Variants in DOCK10 observed in about 807,000 individuals in gnomAD.
DOCK10 encodes dedicator of cytokinesis protein 10.
In DOCK10, 145 loss-of-function variants were observed where a neutral mutation model predicts 280.1. That is an observed-to-expected ratio of 0.52 (90% CI 0.45 to 0.59). The LOEUF is 0.59. Among genes scored for constraint, DOCK10 ranks in the 20% least tolerant of loss-of-function variants. The pLI is 0.00. For missense variants in DOCK10, 2,368 were observed against 2,651.7 expected, an observed-to-expected ratio of 0.89 and a Z score of 2.35; for synonymous variants, 915 against 942.2, an observed-to-expected ratio of 0.97 and a Z score of 0.53.
At chr2:224,944,489 T>G (rs1703281307) in intron 1 of DOCK10, among the ~76,000 whole-genome samples, 1 of 152,222 alleles carries the variant, frequency 6.6e-6, no homozygotes, top group African/African-American at 2.4e-5. Context: ...CTGTTCAGAA[T>G]GCACAGTACC....
intron 1 of DOCK10, among the ~76,000 whole-genome samples, chr2:224,972,762 A>C (rs546591686): frequency 6.6e-6 from 1 of 152,336 alleles, no homozygotes; most frequent in Admixed American, 6.5e-5. Flanking sequence ...TTTGAGAATG[A>C]CAAAGTTGAA....
intron 1 of DOCK10, among the ~76,000 whole-genome samples, chr2:225,032,607 GT>G (rs2106127776): frequency 6.6e-6 from 1 of 152,190 alleles, no homozygotes; most frequent in East Asian, 1.9e-4. Context: ...TTAAATATTA[GT>G]TCTCCACATT....
rs1447662672 is a variant in DOCK10 at position 224,793,420 on chromosome 2, G to A, written c.5192C>T (p.Ala1731Val). The A allele has an allele frequency of 1.9e-6, 3 of 1,613,450 alleles. No homozygotes were observed. The South Asian group carries it at 3.3e-5, about 18-fold the overall frequency. ...MCYIHIAALI[A>V]EYLKRKGYWK... ...CTTACCCTTTCTTTTCAGATACTCT[G>A]CAATGAGAGCAGCAATATGGATGTA... Residue 1731 changes from alanine to valine, a missense_variant, in exon 46 of 56, where the codon GCA (alanine) becomes GTA (valine). Transcript: ENST00000258390.
At position 224,770,868 on chromosome 2, in the gene DOCK10, C is replaced by T. The variant is rs559376943; in HGVS notation, c.6205-223G>A. ...ACTAACAAACTTCCCAAATTTCAGT[C>T]CTTTGCCAACCCCTTCACATTTTTT... On this transcript the variant is annotated intron_variant, in intron 53 of 55. Transcript: ENST00000258390. This position sits in a 1 kb window ranked among gnomAD's most constrained non-coding sequence, Gnocchi z 4.5. 2.0e-5 allele frequency among the ~76,000 whole-genome samples: 3 copies of T among 151,670 alleles called. No homozygotes were observed. The highest frequency in any genetic ancestry group is 3.9e-4 in the East Asian group (2 of 5,180).
At chr2:224,917,087 A>G (rs1575053478) in intron 2 of DOCK10, among the ~76,000 whole-genome samples, 1 of 119,202 alleles carries the variant, frequency 8.4e-6, no homozygotes. Context: ...AATTTAGCTG[A>G]TTTCTATTGG....
At chr2:224,913,854 A>G (rs1273649826) in intron 3 of DOCK10, among the ~76,000 whole-genome samples, 1 of 151,938 alleles carries the variant, frequency 6.6e-6, no homozygotes, top group Admixed American at 6.6e-5. Flanking sequence ...CCCCCTGCTG[A>G]GTAGTTGGGA....
At chr2:224,873,360 T>C (rs1698412670) in intron 11 of DOCK10, among the ~76,000 whole-genome samples, 1 of 152,110 alleles carries the variant, frequency 6.6e-6, no homozygotes, top group Non-Finnish European at 1.5e-5. Context: ...GCAGGTAGCT[T>C]GAGCCTAGGA....
At chr2:225,028,314 T>C (rs970911626) in intron 1 of DOCK10, among the ~76,000 whole-genome samples, 3 of 152,122 alleles carry the variant, frequency 2.0e-5, no homozygotes, top group Non-Finnish European at 4.4e-5. Context: ...GTTTAAGCAA[T>C]GTGGGGGCCT....
intron 55 of DOCK10, among the ~76,000 whole-genome samples, chr2:224,766,424 C>T (rs1690081757): frequency 6.6e-6 from 1 of 152,108 alleles, no homozygotes; most frequent in African/African-American, 2.4e-5. Flanking sequence ...ACACATTATC[C>T]CACTGTGCCA....
chr2:224,991,818 C>T (rs1272326611), intron 1 of DOCK10, among the ~76,000 whole-genome samples: 12 of 152,168 alleles, frequency 7.9e-5, no homozygotes, highest in East Asian at 5.8e-4. Context: ...CCGTTCGGGG[C>T]GGTAAACACT....
intron 10 of DOCK10, 24 bp from the exon 11 acceptor site, chr2:224,874,175 C>T (rs916742196): frequency 1.1e-5 from 17 of 1,577,284 alleles, no homozygotes; most frequent in Non-Finnish European, 1.5e-5. Context: ...GAATGAGTCA[C>T]CAAACATCCA....
chr2:224,796,158 G>T (rs568629817), intron 44 of DOCK10, among the ~76,000 whole-genome samples, 158 bp downstream of exon 44: 2 of 151,872 alleles, frequency 1.3e-5, no homozygotes, highest in African/African-American at 4.8e-5. Flanking sequence ...CAAACTCCTG[G>T]CCTCAAGCGA....
rs1574917959 is a variant in DOCK10 at position 224,840,635 on chromosome 2, G to A, written c.2662-563C>T. ...AATAATTATTGGAGAGGGTGTGGAG[G>A]AGAAGGAACACTTGCACATTGCTGG... On this transcript the variant is annotated intron_variant, in intron 23 of 55. Transcript: ENST00000258390. Among the ~76,000 whole-genome samples, 5 of 152,240 alleles carry A rather than the reference G, an allele frequency of 3.3e-5. No homozygotes were observed. The South Asian group carries it at 1.0e-3, about 32-fold the overall frequency.
chr2:224,924,758 A>G (rs1259975371), intron 2 of DOCK10, among the ~76,000 whole-genome samples: 1 of 152,242 alleles, frequency 6.6e-6, no homozygotes, highest in Non-Finnish European at 1.5e-5. Flanking sequence ...GAAATAAACA[A>G]CCAGAACTGT....
intron 41 of DOCK10, among the ~76,000 whole-genome samples, chr2:224,798,945 G>A (rs1006852213): frequency 1.3e-5 from 2 of 152,122 alleles, no homozygotes; most frequent in African/African-American, 2.4e-5. Flanking sequence ...GGCTCAATCC[G>A]TAATGTACTA....
intron 1 of DOCK10, among the ~76,000 whole-genome samples, chr2:224,997,256 G>T (rs1301462540): frequency 7.1e-6 from 1 of 140,318 alleles, no homozygotes; most frequent in Non-Finnish European, 1.5e-5. Flanking sequence ...CTTTCTTTCG[G>T]AGTCTCACTC....
intron 15 of DOCK10, among the ~76,000 whole-genome samples, chr2:224,855,818 G>C (rs1697091189): frequency 6.6e-6 from 1 of 152,104 alleles, no homozygotes; most frequent in South Asian, 2.1e-4. Context: ...TCAATTTTTA[G>C]GAATTTTGCT....
chr2:224,814,996 C>T (rs1694032454), intron 30 of DOCK10, among the ~76,000 whole-genome samples: 1 of 152,158 alleles, frequency 6.6e-6, no homozygotes, highest in Non-Finnish European at 1.5e-5. Context: ...GAGCTACTGA[C>T]TAATAGTAAG....
At chr2:224,834,102 G>A (rs746246738) in intron 26 of DOCK10, 48 bp downstream of exon 26, 7 of 1,103,078 alleles carry the variant, frequency 6.3e-6, no homozygotes, top group Middle Eastern at 2.0e-4. Context: ...GAGTAAGCGT[G>A]ACCCATGCCT....
Sources: gnomAD v4.1 joint callset for allele counts (sites outside exome capture counted in the v4.1 genomes callset) on GRCh38, gnomAD v4.1.1 for gene constraint, Gnocchi (gnomAD v3.1) non-coding constraint, MANE v1.5 for transcripts, NCBI Gene and HGNC (gene_info 2026-07-23, HGNC 2026-07-21) for gene names.